The following ATP13A5 variants were observed in gnomAD, a reference collection of about 807,000 sequenced individuals.
ATP13A5 encodes the protein probable cation-transporting ATPase 13A5.
In ATP13A5, 149 loss-of-function variants were observed where a neutral mutation model predicts 150.2. The ratio of observed to expected loss-of-function variants is 0.99; its 90% CI spans 0.87 to 1.14. The LOEUF is 1.14. Ranked by LOEUF, ATP13A5 falls within the 50% of genes most tolerant of loss-of-function variation. The pLI is 0.00. For missense variants in ATP13A5, 1,383 were observed against 1,449.3 expected (o/e 0.95, Z 0.74); for synonymous variants, 497 against 522.2 (o/e 0.95, Z 0.66).
At chr3:193,292,891 C>G (rs1229358974) in intron 25 of ATP13A5, among the ~76,000 whole-genome samples, 1 of 152,088 alleles carries the variant, frequency 6.6e-6, no homozygotes, top group Admixed American at 6.6e-5. Flanking sequence ...GTTAGAGACT[C>G]TTACTACTTC....
chr3:193,311,784 C>G (rs1718859107), intron 20 of ATP13A5, 32 bp downstream of exon 20: 1 of 1,611,000 alleles, frequency 6.2e-7, no homozygotes, highest in Non-Finnish European at 8.5e-7. Context: ...ATTTGAGGAG[C>G]AAAACAAAAC....
chr3:193,319,192 T>A (rs1719168742), intron 16 of ATP13A5, 84 bp from the exon 17 acceptor site: 2 of 947,170 alleles, frequency 2.1e-6, no homozygotes, highest in South Asian at 3.4e-5. Context: ...CCATTGTACC[T>A]TGTCTTAACT....
Position 193,307,388 on chromosome 3 carries a change from G to T in ATP13A5, c.2526-19C>A. The T allele has an allele frequency of 6.2e-7, 1 of 1,613,480 alleles. No homozygotes were observed. Among genetic ancestry groups the T allele is most frequent in the Non-Finnish European group, 8.5e-7 (1 of 1,179,680 alleles). On this transcript the variant is annotated intron_variant, in intron 21 of 29. Transcript: ENST00000342358. ...ATAATAACTGCGGGAGACAGGAGAAGAAGGATTAATAGGTAAGAAAAATGA... is the reference window on the plus strand; with the variant it reads ...ATAATAACTGCGGGAGACAGGAGAATAAGGATTAATAGGTAAGAAAAATGA...
intron 13 of ATP13A5, among the ~76,000 whole-genome samples, chr3:193,326,785 A>AT (rs374431782): frequency 6.6e-6 from 1 of 152,108 alleles, no homozygotes; most frequent in Non-Finnish European, 1.5e-5. Context: ...ATCCTACTCC[A>AT]TTTTTCATGG....
At chr3:193,302,889 T>C (rs992163666) in intron 23 of ATP13A5, among the ~76,000 whole-genome samples, 1 of 152,142 alleles carries the variant, frequency 6.6e-6, no homozygotes, top group Non-Finnish European at 1.5e-5. Context: ...TATGAGTCTA[T>C]GAAATATAAA....
intron 21 of ATP13A5, among the ~76,000 whole-genome samples, chr3:193,309,868 T>C (rs1367950268): frequency 6.6e-6 from 1 of 152,144 alleles, no homozygotes; most frequent in Non-Finnish European, 1.5e-5. Flanking sequence ...TTTAATCCCC[T>C]TTTTTAAACT....
At chr3:193,344,393 A>G (rs1048671745) in intron 8 of ATP13A5, among the ~76,000 whole-genome samples, 2 of 152,128 alleles carry the variant, frequency 1.3e-5, no homozygotes, top group South Asian at 2.1e-4. Flanking sequence ...TGTGGTTGGT[A>G]CACTTTGTCT....
At chr3:193,275,545 C>T (rs1397048780) in intron 29 of ATP13A5, among the ~76,000 whole-genome samples, 1 of 152,120 alleles carries the variant, frequency 6.6e-6, no homozygotes, top group Non-Finnish European at 1.5e-5. Flanking sequence ...CTGGTTAAGT[C>T]CTGGCTAGGG....
rs1718961114 is a variant in ATP13A5, at chr3:193,314,205, A to G, written c.2159-12T>C. The G allele has an allele frequency of 1.2e-6, 2 of 1,612,476 alleles. No individual in the cohort carries two copies. Among genetic ancestry groups the G allele is most frequent in the Non-Finnish European group, 1.7e-6 (2 of 1,179,074 alleles). ...TTGAAGGTTATCACCTAGAAGACAA[A>G]GAAACTTTGCTTGCTGTATGTACAA... On this transcript the variant is annotated splice_polypyrimidine_tract_variant and intron_variant, in intron 18 of 29. Coordinates refer to ENST00000342358, the MANE Select transcript of ATP13A5 (RefSeq NM_198505.4).
intron 1 of ATP13A5, among the ~76,000 whole-genome samples, chr3:193,365,790 T>G (rs920024330): frequency 1.6e-4 from 25 of 152,044 alleles, no homozygotes; most frequent in Admixed American, 2.6e-4. Context: ...AAATCATAAT[T>G]CTGGTACCCC....
chr3:193,331,044 T>G, intron 12 of ATP13A5, 79 bp downstream of exon 12: 1 of 1,430,550 alleles, frequency 7.0e-7, no homozygotes, highest in Non-Finnish European at 9.6e-7. Context: ...AACACTGGAC[T>G]AGACATTTTC....
chr3:193,352,736 AT>A (rs1180708761), intron 6 of ATP13A5, among the ~76,000 whole-genome samples: 1 of 152,222 alleles, frequency 6.6e-6, no homozygotes, highest in Non-Finnish European at 1.5e-5. Context: ...AGTCTAAAAA[AT>A]AAAGTTAAAA....
At chr3:193,337,428 A>G (rs1467176019) in intron 9 of ATP13A5, among the ~76,000 whole-genome samples, 1 of 152,182 alleles carries the variant, frequency 6.6e-6, no homozygotes, top group Non-Finnish European at 1.5e-5. Context: ...GGTGTAAGGA[A>G]GGGATCCAAT....
intron 23 of ATP13A5, 60 bp from the exon 24 acceptor site, chr3:193,301,367 T>C: frequency 7.8e-7 from 1 of 1,284,586 alleles, no homozygotes; most frequent in Non-Finnish European, 1.1e-6. Context: ...TCCCAACTTC[T>C]TTTATACTTA....
chr3:193,364,984 A>G (rs1256691294), intron 1 of ATP13A5, among the ~76,000 whole-genome samples: 2 of 152,150 alleles, frequency 1.3e-5, no homozygotes, highest in Non-Finnish European at 2.9e-5. Flanking sequence ...TAGAAGGAAA[A>G]ATTGCCAAAC....
chr3:193,314,006 C>T (rs200993702), intron 19 of ATP13A5, 27 bp downstream of exon 19: 43 of 1,610,038 alleles, frequency 2.7e-5, no homozygotes, highest in East Asian at 6.7e-5. Context: ...TCTAGGCCCA[C>T]GGAGGGGCCT....
At chr3:193,308,795 A>G (rs1381441191) in intron 21 of ATP13A5, among the ~76,000 whole-genome samples, 2 of 152,200 alleles carry the variant, frequency 1.3e-5, no homozygotes, top group African/African-American at 2.4e-5. Context: ...TAAGGGGAAT[A>G]TGGCTTTTCA....
chr3:193,288,505 GA>G (rs761098323), intron 26 of ATP13A5, among the ~76,000 whole-genome samples: 159 of 152,110 alleles, frequency 1.0e-3, no homozygotes, highest in Non-Finnish European at 1.3e-3. Flanking sequence ...ATGATCATTA[GA>G]ATTTTTTAGC....
intron 27 of ATP13A5, among the ~76,000 whole-genome samples, chr3:193,281,002 A>C (rs1189779392): frequency 1.3e-5 from 2 of 152,184 alleles, no homozygotes; most frequent in African/African-American, 2.4e-5. Context: ...GCACCTACAC[A>C]CACCCTCAAT....
Sources: gnomAD v4.1 joint callset for allele counts (sites outside exome capture counted in the v4.1 genomes callset) on GRCh38, gnomAD v4.1.1 for gene constraint, MANE v1.5 for transcripts, NCBI Gene and HGNC (gene_info 2026-07-23, HGNC 2026-07-21) for gene names.